Variants in FAM162A observed in about 807,000 individuals in gnomAD.
FAM162A encodes protein FAM162A.
A neutral mutation model predicts 21.8 loss-of-function variants in FAM162A; 23 were observed. The ratio of observed to expected loss-of-function variants is 1.05; its 90% CI spans 0.76 to 1.49. The LOEUF is 1.49. Among genes scored for constraint, FAM162A ranks in the 40% most tolerant of loss-of-function variants. FAM162A has a pLI of 0.00. For missense variants in FAM162A, 165 were observed against 186.4 expected (o/e 0.89, Z 0.67); for synonymous variants, 53 against 61.3 (o/e 0.86, Z 0.64).
intron 1 of FAM162A, among the ~76,000 whole-genome samples, chr3:122,398,940 A>G (rs1402548400): frequency 6.6e-6 from 1 of 152,166 alleles, no homozygotes. Flanking sequence ...ATATTTTTAA[A>G]ATTTTTTAAG....
chr3:122,394,644 A>G (rs2075619125), intron 1 of FAM162A, among the ~76,000 whole-genome samples: 1 of 152,254 alleles, frequency 6.6e-6, no homozygotes, highest in African/African-American at 2.4e-5. Flanking sequence ...TAGTGATTTT[A>G]AAACTTCCTG....
At position 122,411,817 on chromosome 3, in the gene FAM162A, A is replaced by C. The variant is rs2075706907; in HGVS notation, c.*1986A>C. On this transcript the variant is annotated 3_prime_UTR_variant, in exon 5 of 5. Transcript: ENST00000477892. The stretch of plus-strand genomic sequence containing the variant: ...TGATCAGCCTCCCTCGGCCTCCCAA[A>C]GTGCTGGGATTACAGGCATGAGCCA... The C allele has an allele frequency of 6.6e-6, 1 of 152,148 alleles. No homozygotes were observed. The highest frequency in any genetic ancestry group is 2.4e-5 in the African/African-American group (1 of 41,424). 9.4% of individuals were successfully genotyped at this position (152,148 alleles called of 1,614,324 possible). A position where few individuals can be genotyped will look rare whatever the true frequency, so the allele number is the denominator to read the frequency against.
intron 1 of FAM162A, among the ~76,000 whole-genome samples, chr3:122,400,893 A>T (rs1156263094): frequency 6.6e-6 from 1 of 152,208 alleles, no homozygotes. Flanking sequence ...GAGAAAGTCA[A>T]TAGAGTCTTG....
At chr3:122,389,004 A>G (rs1161288779) in intron 1 of FAM162A, among the ~76,000 whole-genome samples, 1 of 151,910 alleles carries the variant, frequency 6.6e-6, no homozygotes, top group East Asian at 1.9e-4. Context: ...AGCTGAGATC[A>G]CAGCACTGCA....
intron 1 of FAM162A, among the ~76,000 whole-genome samples, chr3:122,393,354 CA>C (rs35078067): frequency 8.2e-5 from 12 of 147,134 alleles, no homozygotes; most frequent in African/African-American, 7.6e-5. Context: ...AGCATTTATC[CA>C]AAAAAAAAAG....
intron 1 of FAM162A, among the ~76,000 whole-genome samples, chr3:122,395,606 A>G (rs1317828224): frequency 6.6e-6 from 1 of 152,224 alleles, no homozygotes; most frequent in Admixed American, 6.5e-5. Flanking sequence ...AGATGGAAGA[A>G]TTCCTCAAAT....
Position 122,409,903 on chromosome 3 carries a change from T to A in FAM162A, c.*72T>A, listed in dbSNP as rs1414411166. 7.7e-7 allele frequency: 1 copy of A among 1,302,702 alleles called. No individual in the cohort carries two copies. Among genetic ancestry groups the A allele is most frequent in the African/African-American group, 1.5e-5 (1 of 68,928 alleles). 80.7% of individuals were successfully genotyped at this position (1,302,702 alleles called of 1,614,324 possible). A position where few individuals can be genotyped will look rare whatever the true frequency, so the allele number is the denominator to read the frequency against. ...TATAACGTGCCTGTATTAAAAAGGA[T>A]GTGGTATGAGGATCCATTTCATAAA... is the stretch of plus-strand genomic sequence containing the variant. On this transcript the variant is annotated 3_prime_UTR_variant, in exon 5 of 5. Coordinates refer to ENST00000477892, the MANE Select transcript of FAM162A (RefSeq NM_014367.4).
intron 1 of FAM162A, 33 bp downstream of exon 1, chr3:122,384,332 G>A (rs2075562549): frequency 6.4e-7 from 1 of 1,563,962 alleles, no homozygotes; most frequent in African/African-American, 1.4e-5. Flanking sequence ...GGAGGTAGGG[G>A]AGCTGGCCCG....
At chr3:122,389,384 TA>T (rs1204381917) in intron 1 of FAM162A, among the ~76,000 whole-genome samples, 98 of 13,814 alleles carry the variant, frequency 7.1e-3, no homozygotes, top group South Asian at 0.052. Flanking sequence ...TATAGATGGA[TA>T]GATAGATAGA....
chr3:122,393,256 C>G (rs1319620370), intron 1 of FAM162A, among the ~76,000 whole-genome samples: 2 of 151,758 alleles, frequency 1.3e-5, no homozygotes, highest in African/African-American at 2.4e-5. Context: ...CATTTTTACC[C>G]AAAAGCAATG....
intron 4 of FAM162A, chr3:122,407,794 G>T (rs1015977332): frequency 2.8e-5 from 6 of 217,134 alleles, no homozygotes; most frequent in Non-Finnish European, 5.5e-5. Flanking sequence ...TCTTAGCGGG[G>T]TTCTTTATTT....
chr3:122,385,862 C>T (rs2075572264), intron 1 of FAM162A, among the ~76,000 whole-genome samples: 1 of 152,236 alleles, frequency 6.6e-6, no homozygotes, highest in African/African-American at 2.4e-5. Context: ...TCACCCACTT[C>T]ATAGCTAAAT....
chr3:122,397,614 C>G (rs1239648492), intron 1 of FAM162A, among the ~76,000 whole-genome samples: 1 of 152,122 alleles, frequency 6.6e-6, no homozygotes, highest in Non-Finnish European at 1.5e-5. Flanking sequence ...GAGCCTGTAC[C>G]AGACCTGGCC....
chr3:122,393,543 T>G (rs924191958), intron 1 of FAM162A, among the ~76,000 whole-genome samples: 2 of 152,216 alleles, frequency 1.3e-5, no homozygotes, highest in Non-Finnish European at 2.9e-5. Flanking sequence ...TTTCCAAAAC[T>G]TCCAGCTGCA....
intron 1 of FAM162A, among the ~76,000 whole-genome samples, chr3:122,390,638 T>C (rs1576247217): frequency 6.6e-6 from 1 of 152,190 alleles, no homozygotes; most frequent in Non-Finnish European, 1.5e-5. Context: ...CTAGCAATGA[T>C]ATTTCTAAGG....
intron 3 of FAM162A, among the ~76,000 whole-genome samples, chr3:122,405,801 T>C (rs1375425718): frequency 6.6e-6 from 1 of 152,226 alleles, no homozygotes; most frequent in Non-Finnish European, 1.5e-5. Flanking sequence ...TTACTTTTCA[T>C]GAGGATCATG....
intron 1 of FAM162A, among the ~76,000 whole-genome samples, chr3:122,400,332 G>A (rs1280433260): frequency 6.6e-6 from 1 of 152,046 alleles, no homozygotes; most frequent in Non-Finnish European, 1.5e-5. Flanking sequence ...GAGAACACAT[G>A]GACACAGGGA....
At chr3:122,388,236 G>T (rs1241760803) in intron 1 of FAM162A, among the ~76,000 whole-genome samples, 1 of 152,158 alleles carries the variant, frequency 6.6e-6, no homozygotes, top group African/African-American at 2.4e-5. Context: ...GAGTAAGGAA[G>T]GACTTAAAGA....
intron 1 of FAM162A, among the ~76,000 whole-genome samples, 180 bp downstream of exon 1, chr3:122,384,479 A>G (rs1404476717): frequency 6.6e-6 from 1 of 152,082 alleles, no homozygotes; most frequent in African/African-American, 2.4e-5. Flanking sequence ...AGCTGCTGAT[A>G]GGCATTGGAG....
Sources: gnomAD v4.1 joint callset for allele counts (sites outside exome capture counted in the v4.1 genomes callset) on GRCh38, gnomAD v4.1.1 for gene constraint, MANE v1.5 for transcripts, NCBI Gene and HGNC (gene_info 2026-07-23, HGNC 2026-07-21) for gene names.